Variants in SLC15A5 observed in about 807,000 individuals in gnomAD.
SLC15A5 encodes the protein solute carrier family 15 member 5.
A neutral mutation model predicts 56.1 loss-of-function variants in SLC15A5; 58 were observed. That is an observed-to-expected ratio of 1.03 (90% CI 0.84 to 1.29). The LOEUF (loss-of-function observed/expected upper bound fraction) is 1.29. Among genes scored for constraint, SLC15A5 ranks in the 50% most tolerant of loss-of-function variants. SLC15A5 has a pLI of 0.00. For synonymous variants in SLC15A5, 264 were observed against 250.5 expected, an observed-to-expected ratio of 1.05 and a Z score of -0.51; for missense variants, 681 against 672.1, an observed-to-expected ratio of 1.01 and a Z score of -0.15.
At chr12:16,270,193 G>A (rs901941003) in intron 2 of SLC15A5, among the ~76,000 whole-genome samples, 4 of 152,134 alleles carry the variant, frequency 2.6e-5, no homozygotes, top group Admixed American at 2.6e-4. Context: ...TGCTTTCAGT[G>A]CCTGAGACTT....
chr12:16,272,520 T>A, intron 2 of SLC15A5, 41 bp downstream of exon 2: 1 of 1,510,888 alleles, frequency 6.6e-7, no homozygotes, highest in South Asian at 1.2e-5. Flanking sequence ...ACAGTGAGAA[T>A]GGTCATAAGC....
At position 16,194,471 on chromosome 12, in the gene SLC15A5, A is replaced by G; in HGVS notation, c.1484-18T>C. 6 of 1,469,382 alleles carry G rather than the reference A, an allele frequency of 4.1e-6. No homozygotes were observed. The highest frequency in any genetic ancestry group is 5.5e-6 in the Non-Finnish European group (6 of 1,086,916). 91.0% of individuals were successfully genotyped at this position (1,469,382 alleles called of 1,614,324 possible). ...CCAATTGCCTGTTTGGAACAAATGT[A>G]ATTGTTATTCAACTGCAGAGTTGTA... On this transcript the variant is annotated intron_variant, in intron 7 of 8. Transcript: ENST00000344941.
At chr12:16,224,359 G>T (rs2136249507) in intron 6 of SLC15A5, 55 bp downstream of exon 6, 1 of 1,485,008 alleles carries the variant, frequency 6.7e-7, no homozygotes, top group South Asian at 1.3e-5. Flanking sequence ...GAGGTGATGT[G>T]TTCTGTGTAA....
intron 7 of SLC15A5, among the ~76,000 whole-genome samples, chr12:16,214,572 A>G (rs894038247): frequency 2.0e-5 from 3 of 152,132 alleles, no homozygotes; most frequent in African/African-American, 7.2e-5. Context: ...AATGGTGCCT[A>G]TGTGGTAAAG....
At chr12:16,227,466 G>C (rs1031011476) in intron 5 of SLC15A5, among the ~76,000 whole-genome samples, 2 of 152,156 alleles carry the variant, frequency 1.3e-5, no homozygotes, top group African/African-American at 4.8e-5. Flanking sequence ...CTATTGGGGA[G>C]TATCAGGAGA....
chr12:16,264,173 C>A (rs941682436), intron 2 of SLC15A5, among the ~76,000 whole-genome samples: 3 of 152,200 alleles, frequency 2.0e-5, no homozygotes, highest in Admixed American at 2.0e-4. Context: ...CCCTGCAAAG[C>A]CACAGGGGCA....
rs1451434476 is a variant in SLC15A5 at position 16,196,494 on chromosome 12, C to T, written c.1484-2041G>A. On this transcript the variant is annotated intron_variant, in intron 7 of 8. Transcript: ENST00000344941. The surrounding 1 kb of genome is among the most constrained non-coding windows in gnomAD (Gnocchi z 4.0). ...TGGAGGTCAAGATAAGGTGCAATAA[C>T]ATCCTACTTATTTTCAGGAAGAACT... Among the ~76,000 whole-genome samples, 4 of 152,018 alleles carry T rather than the reference C, an allele frequency of 2.6e-5. No homozygotes were observed. The highest frequency in any genetic ancestry group is 7.2e-5 in the African/African-American group (3 of 41,404).
intron 6 of SLC15A5, among the ~76,000 whole-genome samples, chr12:16,222,249 T>C (rs925366380): frequency 3.9e-5 from 6 of 152,164 alleles, no homozygotes; most frequent in Non-Finnish European, 7.4e-5. Flanking sequence ...GGAATAATTT[T>C]CCCAACGTCA....
chr12:16,256,913 A>AATAGATAAATAGATAGATAGATAGATAG (rs1205795650), intron 3 of SLC15A5, among the ~76,000 whole-genome samples: 1 of 148,480 alleles, frequency 6.7e-6, no homozygotes, highest in African/African-American at 2.5e-5. Context: ...ATGCATGGGG[A>AATAGATAAATAGATAGATAGATAGATAG]ATAGATAGAT....
chr12:16,214,077 A>G (rs1255353701), intron 7 of SLC15A5, among the ~76,000 whole-genome samples: 1 of 152,210 alleles, frequency 6.6e-6, no homozygotes, highest in Non-Finnish European at 1.5e-5. Context: ...ACCAGTTGTG[A>G]TGACTAGAGA....
chr12:16,261,698 T>C (rs915309256), intron 2 of SLC15A5, among the ~76,000 whole-genome samples: 2 of 152,212 alleles, frequency 1.3e-5, no homozygotes, highest in Admixed American at 1.3e-4. Flanking sequence ...ACAACATGTG[T>C]ATGAGAGTTC....
At chr12:16,236,491 G>C (rs1308701240) in intron 5 of SLC15A5, among the ~76,000 whole-genome samples, 2 of 152,190 alleles carry the variant, frequency 1.3e-5, no homozygotes, top group Non-Finnish European at 2.9e-5. Flanking sequence ...CTCCATAGGT[G>C]ATGAACTCAG....
At chr12:16,227,654 G>A (rs1456646603) in intron 5 of SLC15A5, among the ~76,000 whole-genome samples, 1 of 152,174 alleles carries the variant, frequency 6.6e-6, no homozygotes, top group Non-Finnish European at 1.5e-5. Context: ...AATCAAGGTA[G>A]ACGATAGATT....
At chr12:16,273,256 AGAG>A (rs1864779992) in intron 1 of SLC15A5, among the ~76,000 whole-genome samples, 1 of 152,050 alleles carries the variant, frequency 6.6e-6, no homozygotes, top group Non-Finnish European at 1.5e-5. Context: ...TATCAGAGTT[AGAG>A]GAGAACACAG....
At position 16,257,685 on chromosome 12, in the gene SLC15A5, C is replaced by A; in HGVS notation, c.754+16G>T. The A allele has an allele frequency of 5.6e-6, 8 of 1,428,446 alleles. No homozygotes were observed. Among genetic ancestry groups the A allele is most frequent in the Non-Finnish European group, 7.3e-6 (8 of 1,095,458 alleles). 88.5% of individuals were successfully genotyped at this position (1,428,446 alleles called of 1,614,324 possible). ...AATATAAACCCAGAAATCAATGTAACGCATAATTTACTTACGTTTTTCTGA... is the reference window on the plus strand; with the variant it reads ...AATATAAACCCAGAAATCAATGTAAAGCATAATTTACTTACGTTTTTCTGA... On this transcript the variant is annotated intron_variant, in intron 3 of 8. Transcript: ENST00000344941.
intron 3 of SLC15A5, among the ~76,000 whole-genome samples, chr12:16,249,946 C>T (rs192272451): frequency 6.6e-6 from 1 of 152,040 alleles, no homozygotes; most frequent in East Asian, 1.9e-4. Flanking sequence ...TGCATATTGA[C>T]CGCATTCTAT....
intron 3 of SLC15A5, among the ~76,000 whole-genome samples, chr12:16,247,360 C>T (rs1244063276): frequency 1.3e-5 from 2 of 152,126 alleles, no homozygotes; most frequent in African/African-American, 2.4e-5. Flanking sequence ...AATGTCATTA[C>T]AATCATTGAT....
intron 4 of SLC15A5, among the ~76,000 whole-genome samples, chr12:16,241,018 T>A (rs1446188437): frequency 6.6e-6 from 1 of 152,102 alleles, no homozygotes; most frequent in Non-Finnish European, 1.5e-5. Context: ...TTTCACCGTG[T>A]TAGTCAGGAT....
intron 5 of SLC15A5, among the ~76,000 whole-genome samples, chr12:16,233,058 T>G (rs1864313604): frequency 6.6e-6 from 1 of 152,176 alleles, no homozygotes; most frequent in Non-Finnish European, 1.5e-5. Context: ...TAATTTAAGT[T>G]GCTTTCTTTG....
Sources: gnomAD v4.1 joint callset for allele counts (sites outside exome capture counted in the v4.1 genomes callset) on GRCh38, gnomAD v4.1.1 for gene constraint, Gnocchi (gnomAD v3.1) non-coding constraint, MANE v1.5 for transcripts, NCBI Gene and HGNC (gene_info 2026-07-23, HGNC 2026-07-21) for gene names.